ZNF445: variants seen among roughly 807,000 people sequenced by gnomAD.
The protein encoded by ZNF445 is zinc finger protein 445.
Under a neutral mutation model 93.9 loss-of-function variants are expected in ZNF445, and 19 were observed. The ratio of observed to expected loss-of-function variants is 0.20; its 90% CI spans 0.14 to 0.30. The LOEUF (loss-of-function observed/expected upper bound fraction) is 0.30. Ranked by LOEUF, ZNF445 falls within the 10% of genes least tolerant of loss-of-function variation. The probability of loss-of-function intolerance (pLI) is 1.00; values close to 1 mark genes in which losing one functional copy is unlikely to be tolerated. For synonymous variants in ZNF445, 449 were observed against 446.3 expected (o/e 1.01, Z -0.08); for missense variants, 1,058 against 1,259.4 (o/e 0.84, Z 2.42).
At position 44,440,659 on chromosome 3, in the gene ZNF445, A is replaced by C. The variant is rs981043379; in HGVS notation, c.*5916T>G. 2.6e-5 allele frequency: 4 copies of C among 152,246 alleles called. No individual in the cohort carries two copies. Among genetic ancestry groups the C allele is most frequent in the Non-Finnish European group, 5.9e-5 (4 of 68,046 alleles). The allele number at this position is 152,246 out of a possible 1,614,324, so 9.4% of individuals were successfully genotyped here. A position where few individuals can be genotyped will look rare whatever the true frequency, so the allele number is the denominator to read the frequency against. The stretch of plus-strand genomic sequence containing the variant: ...AGAGAGTTCTTGGACCTTGCTCAAG[A>C]AAAGAATTCGGGCGAGTCCACAAAG... On this transcript the variant is annotated 3_prime_UTR_variant, in exon 8 of 8. Transcript: ENST00000396077.
rs1419823064 is a variant in ZNF445 at position 44,442,149 on chromosome 3, T to C, written c.*4426A>G. 2 of 152,222 alleles carry C rather than the reference T, an allele frequency of 1.3e-5. No homozygotes were observed. The allele number at this position is 152,222 out of a possible 1,614,324, so 9.4% of individuals were successfully genotyped here. ...ACCTTGTATGTAGCTTCACCAACTT[T>C]CTCAGCATAATTTTTCATCTATCTG... On this transcript the variant is annotated 3_prime_UTR_variant, in exon 8 of 8. Transcript: ENST00000396077.
In ZNF445 at chr3:44,447,560, G is replaced by A; in HGVS notation, c.2111C>T (p.Thr704Ile). 1.2e-6 allele frequency: 2 copies of A among 1,614,160 alleles called. No homozygotes were observed. The highest frequency in any genetic ancestry group is 1.7e-6 in the Non-Finnish European group (2 of 1,180,014). Residue 704 changes from threonine to isoleucine, a missense_variant, in exon 8 of 8, where the codon ACA (threonine) becomes ATA (isoleucine). Thr to Ile is a moderately conservative substitution (Grantham distance 89, BLOSUM62 -1). This residue lies in a region of ZNF445 where 387 missense variants were observed against 475.7 expected (regional missense o/e 0.81). Transcript: ENST00000396077. The surrounding 1 kb of genome is among the most constrained non-coding windows in gnomAD (Gnocchi z 4.7). ...KTLVDHQRIH[T>I]GEKPYQCSDC... ...GCTACACTGGTAAGGTTTCTCACCT[G>A]TGTGAATTCTCTGGTGGTCAACGAG...
rs1269698065 is a variant in ZNF445 at position 44,434,779 on chromosome 3, G to A, written c.*11796C>T. ...TAACTGGGCAGCCAAGGGGATAATC[G>A]GATCGGGTGTGCCACACTTCGCCTG... On this transcript the variant is annotated 3_prime_UTR_variant, in exon 8 of 8. Coordinates refer to ENST00000396077, the MANE Select transcript of ZNF445 (RefSeq NM_181489.6). The A allele has an allele frequency of 1.3e-5, 2 of 152,162 alleles. No homozygotes were observed. The highest frequency in any genetic ancestry group is 1.3e-4 in the Admixed American group (2 of 15,266). The allele number at this position is 152,162 out of a possible 1,614,324, so 9.4% of individuals were successfully genotyped here. A position where few individuals can be genotyped will look rare whatever the true frequency, so the allele number is the denominator to read the frequency against.
At position 44,447,337 on chromosome 3, in the gene ZNF445, G is replaced by A; in HGVS notation, c.2334C>T (p.Leu778=). 6.2e-7 allele frequency: 1 copy of A among 1,614,154 alleles called. No individual in the cohort carries two copies. Among genetic ancestry groups the A allele is most frequent in the East Asian group, 2.2e-5 (1 of 44,868 alleles). The part of the protein sequence containing the change: ...GKAFRNHSFL[L]IHQRVHTGEK... ...CTCCAGTGTGAACTCTCTGATGGAT[G>A]AGGAGGAATGAGTGATTGCGGAAGG... Residue 778 remains leucine (L), a synonymous_variant, in exon 8 of 8, where the codon CTC becomes CTT. Transcript: ENST00000396077. The surrounding 1 kb of genome is among the most constrained non-coding windows in gnomAD (Gnocchi z 4.7).
rs1697737155 is a variant in ZNF445 at position 44,438,544 on chromosome 3, C to T, written c.*8031G>A. On this transcript the variant is annotated 3_prime_UTR_variant, in exon 8 of 8. Coordinates refer to ENST00000396077, the MANE Select transcript of ZNF445 (RefSeq NM_181489.6). The stretch of plus-strand genomic sequence containing the variant: ...ATCTCTTGACCTCGTGATCTGCCCG[C>T]CTCAGCCTCCCAAAGTGCTGGGATT... 6.6e-6 allele frequency: 1 copy of T among 152,090 alleles called. No homozygotes were observed. The highest frequency in any genetic ancestry group is 2.4e-5 in the African/African-American group (1 of 41,398). The allele number at this position is 152,090 out of a possible 1,614,324, so 9.4% of individuals were successfully genotyped here. A position where few individuals can be genotyped will look rare whatever the true frequency, so the allele number is the denominator to read the frequency against.
intron 6 of ZNF445, chr3:44,450,041 A>G: frequency 3.4e-6 from 1 of 297,140 alleles, no homozygotes; most frequent in East Asian, 9.4e-5. Context: ...CCTGGGCTCA[A>G]GCAATTCTCC....
rs151292035 is a variant in ZNF445, at chr3:44,446,947, T to A, written c.2724A>T (p.Arg908Ser). ...CQWCGKEFIG[R>S]HTLSSHQRKH... ...TCCTCTGGTGACTGGAAAGGGTATGTCTCCCAATGAACTCTTTCCCACACC... is the reference window on the plus strand; with the variant it reads ...TCCTCTGGTGACTGGAAAGGGTATGACTCCCAATGAACTCTTTCCCACACC... The change falls in exon 8 of 8, where the codon AGA becomes AGT. Residue 908 changes from arginine to serine, a missense_variant. Physicochemically the swap from Arg to Ser is moderately radical, Grantham distance 110 (BLOSUM62 -1). Coordinates refer to ENST00000396077, the MANE Select transcript of ZNF445 (RefSeq NM_181489.6). This position sits in a 1 kb window ranked among gnomAD's most constrained non-coding sequence, Gnocchi z 4.2. 6.0e-4 allele frequency: 964 copies of A among 1,614,086 alleles called. 2 individuals are homozygous for A. Among genetic ancestry groups the A allele is most frequent in the Middle Eastern group, 9.9e-4 (6 of 6,060 alleles).
chr3:44,477,313 G>C (rs1269625288), intron 1 of ZNF445, among the ~76,000 whole-genome samples: 2 of 152,198 alleles, frequency 1.3e-5, no homozygotes, highest in Non-Finnish European at 2.9e-5. Context: ...AATTGTCTCT[G>C]ATAAATACGC....
At chr3:44,477,197 G>A (rs1698373454) in intron 1 of ZNF445, among the ~76,000 whole-genome samples, 1 of 152,228 alleles carries the variant, frequency 6.6e-6, no homozygotes, top group Non-Finnish European at 1.5e-5. Context: ...ATTTATGGAT[G>A]TCAGTGTGCA....
Position 44,455,118 on chromosome 3 carries a change from C to A in ZNF445, c.429+3G>T. On this transcript the variant is annotated splice_donor_region_variant and intron_variant, in intron 3 of 7. Transcript: ENST00000396077. ...TGGGCACCACACACTTGCTCACACTCACCCTCCAGGATGTCCCATCAAGGT... is the reference window on the plus strand; with the variant it reads ...TGGGCACCACACACTTGCTCACACTAACCCTCCAGGATGTCCCATCAAGGT... The A allele has an allele frequency of 6.2e-7, 1 of 1,614,098 alleles. No homozygotes were observed.
intron 1 of ZNF445, among the ~76,000 whole-genome samples, chr3:44,476,942 A>G (rs1437641180): frequency 2.0e-5 from 3 of 152,222 alleles, no homozygotes; most frequent in Admixed American, 2.0e-4. Flanking sequence ...TCATAATGCC[A>G]GCACTAATTT....
In ZNF445 at chr3:44,436,566, T is replaced by C. The variant is rs1697684257; in HGVS notation, c.*10009A>G. 6.6e-6 allele frequency: 1 copy of C among 152,212 alleles called. No homozygotes were observed. Among genetic ancestry groups the C allele is most frequent in the Non-Finnish European group, 1.5e-5 (1 of 68,044 alleles). The allele number at this position is 152,212 out of a possible 1,614,324, so 9.4% of individuals were successfully genotyped here. ...TCAAGCATTTTTATCTCCTTAAGCATTTACATATCTTCCTCTACAGTATAC... is the reference window on the plus strand; with the variant it reads ...TCAAGCATTTTTATCTCCTTAAGCACTTACATATCTTCCTCTACAGTATAC... On this transcript the variant is annotated 3_prime_UTR_variant, in exon 8 of 8. Coordinates refer to ENST00000396077, the MANE Select transcript of ZNF445 (RefSeq NM_181489.6).
rs1017601002 is a variant in ZNF445 at position 44,440,614 on chromosome 3, G to A, written c.*5961C>T. 1.3e-5 allele frequency: 2 copies of A among 152,192 alleles called. No homozygotes were observed. The highest frequency in any genetic ancestry group is 6.5e-5 in the Admixed American group (1 of 15,288). The allele number at this position is 152,192 out of a possible 1,614,324, so 9.4% of individuals were successfully genotyped here. On this transcript the variant is annotated 3_prime_UTR_variant, in exon 8 of 8. Coordinates refer to ENST00000396077, the MANE Select transcript of ZNF445 (RefSeq NM_181489.6). Reference sequence around the variant, plus strand: ...GTATTGCTCCTGTTACCAGAAAGCGGTCGTGATCCAGTCCCCAAGAGAGAG... The same window carrying A: ...GTATTGCTCCTGTTACCAGAAAGCGATCGTGATCCAGTCCCCAAGAGAGAG...
At position 44,446,865 on chromosome 3, in the gene ZNF445, C is replaced by T. The variant is rs1488334330; in HGVS notation, c.2806G>A (p.Asp936Asn). The change falls in exon 8 of 8, where the codon GAC becomes AAC. Residue 936 changes from aspartate (D) to asparagine (N), a missense_variant. By Grantham distance (23) the Asp-to-Asn change is conservative. This residue lies in a region of ZNF445 where 387 missense variants were observed against 475.7 expected (regional missense o/e 0.81). Coordinates refer to ENST00000396077, the MANE Select transcript of ZNF445 (RefSeq NM_181489.6). This position sits in a 1 kb window ranked among gnomAD's most constrained non-coding sequence, Gnocchi z 4.2. The stretch of plus-strand genomic sequence containing the variant: ...AGCTTCTGTAATCTCAACTTTGTGT[C>T]CTGAGAGGAAGACCGTGCAGGCGGG... ...RSPPARSSSQ[D>N]TKLRLQKLKP... 1 of 1,614,132 alleles carries T rather than the reference C, an allele frequency of 6.2e-7. No individual in the cohort carries two copies.
chr3:44,442,346 T>A lies in ZNF445; in HGVS notation c.*4229A>T, dbSNP rs1164755890. ...TCACATGGCACTTCTCTAGGATGCA[T>A]CCAGGAGTAGTTGCTGGGTGGTTAA... On this transcript the variant is annotated 3_prime_UTR_variant, in exon 8 of 8. Transcript: ENST00000396077. The A allele has an allele frequency of 6.6e-6, 1 of 152,208 alleles. No individual in the cohort carries two copies. The highest frequency in any genetic ancestry group is 1.5e-5 in the Non-Finnish European group (1 of 68,040). 9.4% of individuals were successfully genotyped at this position (152,208 alleles called of 1,614,324 possible).
chr3:44,464,560 A>C (rs999494117), intron 1 of ZNF445, among the ~76,000 whole-genome samples: 1 of 152,220 alleles, frequency 6.6e-6, no homozygotes, highest in African/African-American at 2.4e-5. Context: ...AAAGACTGAT[A>C]AAATAAAATG....
Position 44,445,316 on chromosome 3 carries a change from C to T in ZNF445, c.*1259G>A, listed in dbSNP as rs572515023. 1 of 152,248 alleles carries T rather than the reference C, an allele frequency of 6.6e-6. No individual in the cohort carries two copies. The highest frequency in any genetic ancestry group is 1.5e-5 in the Non-Finnish European group (1 of 68,068). The allele number at this position is 152,248 out of a possible 1,614,324, so 9.4% of individuals were successfully genotyped here. A position where few individuals can be genotyped will look rare whatever the true frequency, so the allele number is the denominator to read the frequency against. On this transcript the variant is annotated 3_prime_UTR_variant, in exon 8 of 8. Coordinates refer to ENST00000396077, the MANE Select transcript of ZNF445 (RefSeq NM_181489.6). ...GCAGCAAGGCTAACTGCATGAGAAG[C>T]CTTTCACCCTTTTACTGAGTCCTTG...
At chr3:44,465,876 G>A (rs1698186016) in intron 1 of ZNF445, among the ~76,000 whole-genome samples, 1 of 152,108 alleles carries the variant, frequency 6.6e-6, no homozygotes, top group Non-Finnish European at 1.5e-5. Context: ...ATCATGCCAT[G>A]GCACTCCAGA....
intron 1 of ZNF445, among the ~76,000 whole-genome samples, chr3:44,476,156 T>C (rs1046962380): frequency 6.6e-6 from 1 of 152,208 alleles, no homozygotes; most frequent in Admixed American, 6.5e-5. Flanking sequence ...ATACAAAATC[T>C]TGAAAATTGC....
Sources: allele counts gnomAD v4.1 joint callset (sites outside exome capture counted in the v4.1 genomes callset), GRCh38; gene constraint gnomAD v4.1.1; regional missense constraint gnomAD v4.1.1; non-coding constraint Gnocchi (gnomAD v3.1); transcripts MANE v1.5; gene names NCBI Gene and HGNC (gene_info 2026-07-23, HGNC 2026-07-21).